Variants in SEMA6D observed in about 807,000 individuals in gnomAD.
The protein encoded by SEMA6D is semaphorin-6D.
In SEMA6D, 35 loss-of-function variants were observed where a neutral mutation model predicts 106.6. That is an observed-to-expected ratio of 0.33 (90% CI 0.25 to 0.44). SEMA6D has a LOEUF of 0.44. Among genes scored for constraint, SEMA6D ranks in the 20% least tolerant of loss-of-function variants. The pLI is 1.00. For synonymous variants in SEMA6D, 499 were observed against 487.7 expected (o/e 1.02, Z -0.31); for missense variants, 1,185 against 1,345.9 (o/e 0.88, Z 1.87).
chr15:47,511,103 A>T (rs1298227104), intron 3 of SEMA6D, among the ~76,000 whole-genome samples: 1 of 152,132 alleles, frequency 6.6e-6, no homozygotes, highest in Non-Finnish European at 1.5e-5. Flanking sequence ...CCATGAAACC[A>T]CCTTTTCAAT....
intron 4 of SEMA6D, among the ~76,000 whole-genome samples, chr15:47,607,859 C>T (rs923877005): frequency 2.0e-5 from 3 of 152,198 alleles, no homozygotes; most frequent in African/African-American, 7.2e-5. Context: ...TGCAGACAGG[C>T]AAAAGGCCTA....
chr15:47,215,857 A>G (rs1020290126), intron 1 of SEMA6D, among the ~76,000 whole-genome samples: 9 of 152,196 alleles, frequency 5.9e-5, no homozygotes, highest in Non-Finnish European at 1.2e-4. Flanking sequence ...CCTGAGAAGC[A>G]TGTGAAGTAC....
At chr15:47,600,481 A>C (rs2076626633) in intron 3 of SEMA6D, among the ~76,000 whole-genome samples, 1 of 152,154 alleles carries the variant, frequency 6.6e-6, no homozygotes, top group South Asian at 2.1e-4. Flanking sequence ...TCTGTAGAAG[A>C]AGATAAAATA....
At chr15:47,710,161 A>T (rs141008507) in intron 4 of SEMA6D, among the ~76,000 whole-genome samples, 1 of 152,348 alleles carries the variant, frequency 6.6e-6, no homozygotes, top group African/African-American at 2.4e-5. Context: ...CTGATGGATT[A>T]GCTTTTTATA....
chr15:47,714,203 A>T (rs2079069749), upstream of SEMA6D, among the ~76,000 whole-genome samples: 1 of 152,132 alleles, frequency 6.6e-6, no homozygotes, highest in South Asian at 2.1e-4. Context: ...TATTGCTATT[A>T]ACTATGACCT....
chr15:47,314,163 A>T (rs1002725915), intron 1 of SEMA6D, among the ~76,000 whole-genome samples: 17 of 151,824 alleles, frequency 1.1e-4, no homozygotes, highest in Non-Finnish European at 1.2e-4. Flanking sequence ...TATAATCTTA[A>T]TTTTCCTTTA....
At chr15:47,281,527 C>T (rs1362834183) in intron 1 of SEMA6D, among the ~76,000 whole-genome samples, 2 of 151,244 alleles carry the variant, frequency 1.3e-5, no homozygotes, top group African/African-American at 2.4e-5. Context: ...AGTCCATTTA[C>T]ATTTAAAGTT....
intron 1 of SEMA6D, among the ~76,000 whole-genome samples, chr15:47,235,518 G>A (rs2032482997): frequency 6.6e-6 from 1 of 151,996 alleles, no homozygotes; most frequent in South Asian, 2.1e-4. Flanking sequence ...TTAGAGATCA[G>A]TTTCATTCTT....
At chr15:47,688,080 T>C (rs2078508449) in intron 4 of SEMA6D, among the ~76,000 whole-genome samples, 1 of 152,138 alleles carries the variant, frequency 6.6e-6, no homozygotes, top group South Asian at 2.1e-4. Context: ...ATATATGTAG[T>C]AACTAAAACC....
At chr15:47,441,700 T>G (rs1567081910) in intron 2 of SEMA6D, among the ~76,000 whole-genome samples, 1 of 152,148 alleles carries the variant, frequency 6.6e-6, no homozygotes, top group Non-Finnish European at 1.5e-5. Context: ...ATTTTATTTT[T>G]TTAATGAGGT....
chr15:47,226,865 G>C (rs78919507), intron 1 of SEMA6D, among the ~76,000 whole-genome samples: 1 of 151,984 alleles, frequency 6.6e-6, no homozygotes, highest in African/African-American at 2.4e-5. Context: ...CTCTGCTTTG[G>C]TTCACATCAG....
intron 1 of SEMA6D, among the ~76,000 whole-genome samples, chr15:47,395,840 T>C (rs1009035093): frequency 3.3e-5 from 5 of 152,198 alleles, no homozygotes; most frequent in African/African-American, 1.2e-4. Flanking sequence ...TTGTACAATA[T>C]TCATATACAG....
chr15:47,391,875 C>T (rs1188029564), intron 1 of SEMA6D, among the ~76,000 whole-genome samples: 2 of 152,076 alleles, frequency 1.3e-5, no homozygotes, highest in Non-Finnish European at 2.9e-5. Flanking sequence ...TTCATATTTA[C>T]ACTTTCCCCC....
intron 3 of SEMA6D, among the ~76,000 whole-genome samples, chr15:47,586,638 A>G (rs1396303770): frequency 1.3e-5 from 2 of 152,162 alleles, no homozygotes; most frequent in Non-Finnish European, 2.9e-5. Context: ...TCGGAAACCA[A>G]CAGCATTTTA....
chr15:47,357,311 G>A (rs774440850), intron 1 of SEMA6D, among the ~76,000 whole-genome samples: 32 of 151,806 alleles, frequency 2.1e-4, no homozygotes, highest in Middle Eastern at 6.8e-3. Flanking sequence ...TCCATCCTGG[G>A]CGACAGCAAG....
At chr15:47,501,434 G>A (rs1191679844) in intron 3 of SEMA6D, among the ~76,000 whole-genome samples, 2 of 152,132 alleles carry the variant, frequency 1.3e-5, no homozygotes, top group Admixed American at 6.6e-5. Flanking sequence ...CAATGGACTT[G>A]GGGGAAAGAT....
intron 1 of SEMA6D, among the ~76,000 whole-genome samples, 178 bp downstream of exon 1, chr15:47,717,870 G>GCGCGC (rs1207679760): frequency 7.8e-6 from 1 of 128,686 alleles, no homozygotes; most frequent in African/African-American, 2.6e-5. Context: ...GTGTGTGTGT[G>GCGCGC]TGTGTGTGTT....
intron 1 of SEMA6D, among the ~76,000 whole-genome samples, chr15:47,211,163 C>T (rs1277883389): frequency 3.3e-5 from 5 of 152,098 alleles, no homozygotes; most frequent in African/African-American, 7.2e-5. Flanking sequence ...TATCTATACT[C>T]TCTCTCTATT....
At position 47,717,567 on chromosome 15, in the gene SEMA6D, G is replaced by A. The variant is rs372145304; in HGVS notation, c.-180G>A. ...CGAGTTTCAGGATTCTATCAAGGAA[G>A]CCAAGACCTAAGGAGACAGAGGGAT... On this transcript the variant is annotated 5_prime_UTR_variant, in exon 1 of 19. Transcript: ENST00000536845. The A allele has an allele frequency of 2.6e-3, 405 of 153,338 alleles. 8 individuals carry two copies. The South Asian group carries it at 0.048, about 18-fold the overall frequency. 9.5% of individuals were successfully genotyped at this position (153,338 alleles called of 1,614,324 possible).
Sources: gnomAD v4.1 joint callset for allele counts (sites outside exome capture counted in the v4.1 genomes callset) on GRCh38, gnomAD v4.1.1 for gene constraint, MANE v1.5 for transcripts, NCBI Gene and HGNC (gene_info 2026-07-23, HGNC 2026-07-21) for gene names.